The following EHBP1 variants were observed in gnomAD, a reference collection of about 807,000 sequenced individuals.
EHBP1 encodes EH domain-binding protein 1.
Under a neutral mutation model 144.0 loss-of-function variants are expected in EHBP1, and 55 were observed. The ratio of observed to expected loss-of-function variants is 0.38; its 90% CI spans 0.31 to 0.48. The LOEUF (loss-of-function observed/expected upper bound fraction) is 0.48, where lower values mean the gene tolerates loss of function less well. Among genes scored for constraint, EHBP1 ranks in the 20% least tolerant of loss-of-function variants. The pLI is 0.98. For synonymous variants in EHBP1, 469 were observed against 472.7 expected (o/e 0.99, Z 0.10); for missense variants, 1,200 against 1,364.2 (o/e 0.88, Z 1.90).
chr2:62,795,030 G>A (rs1055807263), intron 5 of EHBP1, among the ~76,000 whole-genome samples: 1 of 151,422 alleles, frequency 6.6e-6, no homozygotes, highest in Admixed American at 6.6e-5. Context: ...CGTAACTAAT[G>A]TGTGTATACA....
At chr2:62,843,410 G>C (rs72807589) in intron 7 of EHBP1, among the ~76,000 whole-genome samples, 16,849 of 151,030 alleles carry the variant, frequency 0.11, 1,270 homozygotes, top group Non-Finnish European at 0.16. Flanking sequence ...TTCAAAACTA[G>C]TTTTCTAAAA....
At chr2:62,770,659 A>G (rs1265501716) in intron 4 of EHBP1, among the ~76,000 whole-genome samples, 2 of 152,234 alleles carry the variant, frequency 1.3e-5, no homozygotes, top group African/African-American at 2.4e-5. Flanking sequence ...ATTACCGGGT[A>G]TATACCCAGA....
At chr2:62,843,306 C>T (rs979284502) in intron 7 of EHBP1, among the ~76,000 whole-genome samples, 1 of 152,036 alleles carries the variant, frequency 6.6e-6, no homozygotes, top group Non-Finnish European at 1.5e-5. Context: ...TTCCATTTGA[C>T]GTTTAATCAC....
chr2:62,723,954 G>A (rs2036484439), intron 2 of EHBP1, among the ~76,000 whole-genome samples: 1 of 152,108 alleles, frequency 6.6e-6, no homozygotes, highest in African/African-American at 2.4e-5. Flanking sequence ...GTGTCTTGAG[G>A]ATGATCTTCT....
chr2:62,816,351 G>A (rs1409297365), intron 5 of EHBP1, among the ~76,000 whole-genome samples: 3 of 152,116 alleles, frequency 2.0e-5, no homozygotes, highest in Non-Finnish European at 4.4e-5. Flanking sequence ...GTTAATATAT[G>A]AACTTGTTAT....
At chr2:62,918,203 G>GT (rs952813222) in intron 10 of EHBP1, among the ~76,000 whole-genome samples, 9 of 151,552 alleles carry the variant, frequency 5.9e-5, no homozygotes, top group South Asian at 2.1e-4. Flanking sequence ...GGCCTATTGT[G>GT]TTTTTTTTCA....
At chr2:62,905,802 C>T (rs373674662) in intron 10 of EHBP1, among the ~76,000 whole-genome samples, 19 of 151,816 alleles carry the variant, frequency 1.3e-4, no homozygotes, top group East Asian at 7.8e-4. Flanking sequence ...CCAGCCTGGG[C>T]GACAGGGTGA....
intron 16 of EHBP1, among the ~76,000 whole-genome samples, chr2:62,992,762 G>A (rs1198173247): frequency 6.6e-6 from 1 of 152,212 alleles, no homozygotes; most frequent in East Asian, 1.9e-4. Flanking sequence ...TCTCAATGCA[G>A]AGGAAGGGCA....
intron 19 of EHBP1, among the ~76,000 whole-genome samples, chr2:63,000,864 G>C (rs554173088): frequency 1.3e-5 from 2 of 152,170 alleles, no homozygotes; most frequent in South Asian, 4.1e-4. Context: ...TTTTGAGGAG[G>C]AATATTTTAG....
chr2:63,022,001 C>T (rs534958934), intron 19 of EHBP1, among the ~76,000 whole-genome samples: 10 of 152,132 alleles, frequency 6.6e-5, no homozygotes, highest in African/African-American at 2.2e-4. Flanking sequence ...CTCCTGACTT[C>T]GTTATCCGCC....
chr2:62,754,146 G>T (rs1010823706), intron 3 of EHBP1, among the ~76,000 whole-genome samples: 1 of 152,148 alleles, frequency 6.6e-6, no homozygotes, highest in African/African-American at 2.4e-5. Flanking sequence ...GGTCTTTGAT[G>T]ATGGTGACAT....
At chr2:63,021,013 A>G (rs1559077333) in intron 19 of EHBP1, among the ~76,000 whole-genome samples, 1 of 131,940 alleles carries the variant, frequency 7.6e-6, no homozygotes, top group African/African-American at 2.9e-5. Flanking sequence ...TTTTGAGACA[A>G]GGTCTCTCTA....
chr2:62,820,712 T>G lies in EHBP1; in HGVS notation c.313-5375T>G, dbSNP rs534570098. Among the ~76,000 whole-genome samples, 1,019 of 120,002 alleles carry G rather than the reference T, an allele frequency of 8.5e-3. 7 individuals are homozygous for G. Among genetic ancestry groups the G allele is most frequent in the Non-Finnish European group, 0.011 (667 of 60,788 alleles). The allele number at this position is 120,002 out of a possible 152,430, so 78.7% of individuals were successfully genotyped here. A position where few individuals can be genotyped will look rare whatever the true frequency, so the allele number is the denominator to read the frequency against. Reference sequence around the variant, plus strand: ...TAAGGCTGAATAGTATTCCATTGGGTGTGTGTGTGTGTGTGTGTGTGTATA... The same window carrying G: ...TAAGGCTGAATAGTATTCCATTGGGGGTGTGTGTGTGTGTGTGTGTGTATA... On this transcript the variant is annotated intron_variant, in intron 5 of 22. Coordinates refer to ENST00000431489, the MANE Select transcript of EHBP1 (RefSeq NM_001142616.3).
At chr2:62,703,905 T>C (rs979246868), upstream of EHBP1, among the ~76,000 whole-genome samples, 20 of 152,328 alleles carry the variant, frequency 1.3e-4, no homozygotes, top group Non-Finnish European at 2.2e-4. Flanking sequence ...CATAAGAAAG[T>C]TTGAGAACTT....
At chr2:62,908,246 ATTTTC>A (rs1351178277) in intron 10 of EHBP1, among the ~76,000 whole-genome samples, 3 of 152,178 alleles carry the variant, frequency 2.0e-5, no homozygotes, top group African/African-American at 7.2e-5. Flanking sequence ...AAAGTTCATA[ATTTTC>A]TTTTATTTAA....
chr2:62,708,225 T>C (rs1465965990), intron 2 of EHBP1, among the ~76,000 whole-genome samples: 1 of 152,228 alleles, frequency 6.6e-6, no homozygotes, highest in Non-Finnish European at 1.5e-5. Context: ...TGAATATTTA[T>C]TTGGAACTAG....
intron 19 of EHBP1, among the ~76,000 whole-genome samples, chr2:63,033,326 A>G (rs971550299): frequency 6.6e-6 from 1 of 152,096 alleles, no homozygotes; most frequent in African/African-American, 2.4e-5. Flanking sequence ...TAGCTTTGCT[A>G]TGTTCTGTCC....
chr2:62,734,252 G>A lies in EHBP1; in HGVS notation c.105-13143G>A, dbSNP rs190275894. ...TTACATCTTGATTTTGAGACATAGT[G>A]AAAGTATTTCTCTATCCAGGCTTAT... is the stretch of plus-strand genomic sequence containing the variant. On this transcript the variant is annotated intron_variant, in intron 2 of 22. Coordinates refer to ENST00000431489, the MANE Select transcript of EHBP1 (RefSeq NM_001142616.3). Among the ~76,000 whole-genome samples, 317 of 151,632 alleles carry A rather than the reference G, an allele frequency of 2.1e-3. 3 individuals are homozygous for A. Among genetic ancestry groups the A allele is most frequent in the African/African-American group, 6.7e-3 (278 of 41,374 alleles).
At chr2:62,933,889 A>G (rs1195981518) in intron 10 of EHBP1, among the ~76,000 whole-genome samples, 1 of 152,160 alleles carries the variant, frequency 6.6e-6, no homozygotes, top group South Asian at 2.1e-4. Flanking sequence ...CTTTTGTTCA[A>G]TATTATGTTT....
Sources: allele counts gnomAD v4.1 joint callset (sites outside exome capture counted in the v4.1 genomes callset), GRCh38; gene constraint gnomAD v4.1.1; transcripts MANE v1.5; gene names NCBI Gene and HGNC (gene_info 2026-07-23, HGNC 2026-07-21).